Variants in ARHGAP42 observed in about 807,000 individuals in gnomAD.
ARHGAP42 encodes rho GTPase-activating protein 42.
A neutral mutation model predicts 125.0 loss-of-function variants in ARHGAP42; 63 were observed. That is an observed-to-expected ratio of 0.50 (90% CI 0.41 to 0.62). The LOEUF (loss-of-function observed/expected upper bound fraction) is 0.62. Among genes scored for constraint, ARHGAP42 ranks in the 20% least tolerant of loss-of-function variants. The pLI is 0.00. For synonymous variants in ARHGAP42, 339 were observed against 351.0 expected (o/e 0.97, Z 0.38); for missense variants, 766 against 1,024.2 (o/e 0.75, Z 3.44).
chr11:100,932,886 T>G (rs1867625011), intron 6 of ARHGAP42, among the ~76,000 whole-genome samples: 1 of 152,218 alleles, frequency 6.6e-6, no homozygotes, highest in African/African-American at 2.4e-5. Flanking sequence ...TTCTGGATAT[T>G]TCTTCAATGC....
In ARHGAP42 at chr11:100,719,746, G is replaced by A. The variant is rs114281183; in HGVS notation, c.154+31914G>A. Among the ~76,000 whole-genome samples, 385 of 152,258 alleles carry A rather than the reference G, an allele frequency of 2.5e-3. 2 individuals carry two copies. Among genetic ancestry groups the A allele is most frequent in the African/African-American group, 9.0e-3 (374 of 41,558 alleles). ...CAAAAGGATACTCTTGGCTATACCG[G>A]CTCTTCCTGTCTTTCAGATATTGCA... On this transcript the variant is annotated intron_variant, in intron 1 of 23. Coordinates refer to ENST00000298815, the MANE Select transcript of ARHGAP42 (RefSeq NM_152432.4).
chr11:100,781,491 T>C (rs574221418), intron 2 of ARHGAP42, among the ~76,000 whole-genome samples: 1 of 152,294 alleles, frequency 6.6e-6, no homozygotes, highest in Admixed American at 6.5e-5. Context: ...GGCTCTTAGG[T>C]TGTCAACTTT....
chr11:100,982,110 G>A (rs932986148), intron 22 of ARHGAP42, among the ~76,000 whole-genome samples: 25 of 152,158 alleles, frequency 1.6e-4, no homozygotes, highest in African/African-American at 6.0e-4. Flanking sequence ...AGAACAAATG[G>A]CCAAGCATTG....
intron 16 of ARHGAP42, 99 bp from the exon 17 acceptor site, chr11:100,965,572 G>A (rs1858069555): frequency 1.0e-6 from 1 of 968,930 alleles, no homozygotes; most frequent in Non-Finnish European, 1.6e-6. Flanking sequence ...TATGAGGCAT[G>A]AGGGGTAGGA....
intron 3 of ARHGAP42, among the ~76,000 whole-genome samples, chr11:100,815,720 A>G (rs1398467324): frequency 6.6e-6 from 1 of 152,198 alleles, no homozygotes; most frequent in East Asian, 1.9e-4. Context: ...AGTATTAAGT[A>G]TATTCACGTT....
intron 4 of ARHGAP42, among the ~76,000 whole-genome samples, chr11:100,891,172 G>GT (rs1454049120): frequency 3.9e-5 from 6 of 152,238 alleles, no homozygotes; most frequent in African/African-American, 1.4e-4. Context: ...TCAAACATAT[G>GT]TTTCATAGGG....
intron 1 of ARHGAP42, among the ~76,000 whole-genome samples, chr11:100,762,817 A>C (rs1179195855): frequency 6.6e-6 from 1 of 152,138 alleles, no homozygotes; most frequent in Non-Finnish European, 1.5e-5. Context: ...GTTATTAAAA[A>C]AGCAAGGCGT....
At chr11:100,723,133 G>A (rs560348135) in intron 1 of ARHGAP42, among the ~76,000 whole-genome samples, 3 of 152,218 alleles carry the variant, frequency 2.0e-5, no homozygotes, top group Admixed American at 6.5e-5. Context: ...ATTTTATTCT[G>A]TTGGTCTATT....
chr11:100,953,458 C>T (rs1481601684), intron 12 of ARHGAP42, among the ~76,000 whole-genome samples: 1 of 152,182 alleles, frequency 6.6e-6, no homozygotes, highest in Non-Finnish European at 1.5e-5. Context: ...ATCATAACAT[C>T]TGTGCCTTCA....
chr11:100,993,705 C>T lies in ARHGAP42; in HGVS notation c.*4904C>T, dbSNP rs1858901718. Reference sequence around the variant, plus strand: ...CTAGGAGCTTCTTTGCAGTCATTAACATGACAAATTAAGTAATAAATATAA... The same window carrying T: ...CTAGGAGCTTCTTTGCAGTCATTAATATGACAAATTAAGTAATAAATATAA... On this transcript the variant is annotated 3_prime_UTR_variant, in exon 24 of 24. Coordinates refer to ENST00000298815, the MANE Select transcript of ARHGAP42 (RefSeq NM_152432.4). 1.2e-5 allele frequency: 2 copies of T among 167,030 alleles called. 1 individual carries two copies. Among genetic ancestry groups the T allele is most frequent in the Non-Finnish European group, 2.9e-5 (2 of 68,108 alleles). 10.3% of individuals were successfully genotyped at this position (167,030 alleles called of 1,614,324 possible).
At chr11:100,922,018 C>A (rs1215550196) in intron 6 of ARHGAP42, among the ~76,000 whole-genome samples, 1 of 151,952 alleles carries the variant, frequency 6.6e-6, no homozygotes, top group African/African-American at 2.4e-5. Flanking sequence ...GCTGAGAGGG[C>A]ATAAGGGAAC....
At chr11:100,891,248 G>T (rs1866210957) in intron 4 of ARHGAP42, among the ~76,000 whole-genome samples, 1 of 152,076 alleles carries the variant, frequency 6.6e-6, no homozygotes, top group Admixed American at 6.6e-5. Context: ...TGTGTGGCCC[G>T]TAGCAAGCTC....
chr11:100,849,314 AGT>A (rs966115640), intron 3 of ARHGAP42, among the ~76,000 whole-genome samples: 1 of 152,194 alleles, frequency 6.6e-6, no homozygotes, highest in African/African-American at 2.4e-5. Context: ...ACAGCTGTAC[AGT>A]GTGGAAAACT....
At chr11:100,915,104 A>T (rs1867028614) in intron 5 of ARHGAP42, among the ~76,000 whole-genome samples, 1 of 152,156 alleles carries the variant, frequency 6.6e-6, no homozygotes, top group South Asian at 2.1e-4. Context: ...TTATGTGCTT[A>T]TGGAAAGATT....
At position 100,687,555 on chromosome 11, in the gene ARHGAP42, C is replaced by A; in HGVS notation, c.-124C>A. 2 of 671,116 alleles carry A rather than the reference C, an allele frequency of 3.0e-6. No individual in the cohort carries two copies. Among genetic ancestry groups the A allele is most frequent in the Non-Finnish European group, 4.0e-6 (2 of 506,258 alleles). The allele number at this position is 671,116 out of a possible 1,614,324, so 41.6% of individuals were successfully genotyped here. Reference sequence around the variant, plus strand: ...GGCCCGTTTCCTCCGCGCAATCAGTCCCCTCGCGTCCCGGCGCCTTCCCCG... The same window carrying A: ...GGCCCGTTTCCTCCGCGCAATCAGTACCCTCGCGTCCCGGCGCCTTCCCCG... On this transcript the variant is annotated 5_prime_UTR_variant, in exon 1 of 24. Coordinates refer to ENST00000298815, the MANE Select transcript of ARHGAP42 (RefSeq NM_152432.4).
intron 4 of ARHGAP42, among the ~76,000 whole-genome samples, chr11:100,885,182 G>A (rs1743308438): frequency 6.6e-6 from 1 of 152,228 alleles, no homozygotes; most frequent in Non-Finnish European, 1.5e-5. Flanking sequence ...TTTGAGGAAA[G>A]TAAACAGTTT....
intron 3 of ARHGAP42, among the ~76,000 whole-genome samples, chr11:100,823,297 C>A (rs1336247195): frequency 6.6e-6 from 1 of 152,106 alleles, no homozygotes; most frequent in Non-Finnish European, 1.5e-5. Context: ...TGTGAAAGAT[C>A]GTGCCCTGGA....
chr11:100,799,271 A>G (rs1247597111), intron 3 of ARHGAP42, among the ~76,000 whole-genome samples: 1 of 152,200 alleles, frequency 6.6e-6, no homozygotes, highest in African/African-American at 2.4e-5. Flanking sequence ...TTTAGGAAAC[A>G]TTAGCCTACA....
chr11:100,746,163 G>A (rs980622553), intron 1 of ARHGAP42, among the ~76,000 whole-genome samples: 1 of 151,894 alleles, frequency 6.6e-6, no homozygotes, highest in East Asian at 1.9e-4. Context: ...GATGAATAAG[G>A]GCTGACTGAT....
Sources: allele counts gnomAD v4.1 joint callset (sites outside exome capture counted in the v4.1 genomes callset), GRCh38; gene constraint gnomAD v4.1.1; transcripts MANE v1.5; gene names NCBI Gene and HGNC (gene_info 2026-07-23, HGNC 2026-07-21).